ZFHX3: variants seen among roughly 807,000 people sequenced by gnomAD.
ZFHX3 encodes zinc finger homeobox 3, also known as zinc finger homeobox protein 3.
In ZFHX3, 42 loss-of-function variants were observed where a neutral mutation model predicts 279.1. The observed-to-expected ratio is 0.15, with a 90% confidence interval of 0.12 to 0.19. The LOEUF (loss-of-function observed/expected upper bound fraction) is 0.19. ZFHX3 is among the 10% of genes least tolerant of loss of function. ZFHX3 has a pLI of 1.00. For synonymous variants in ZFHX3, 2,293 were observed against 1,957.8 expected (o/e 1.17, Z -4.52); for missense variants, 4,981 against 4,754.0 (o/e 1.05, Z -1.40).
chr16:73,051,646 C>T (rs530112101), upstream of ZFHX3, among the ~76,000 whole-genome samples: 1 of 152,278 alleles, frequency 6.6e-6, no homozygotes, highest in South Asian at 2.1e-4. Flanking sequence ...TCAATGATAT[C>T]CCACAACAAA....
At chr16:72,914,109 A>G (rs1396262883) in intron 3 of ZFHX3, among the ~76,000 whole-genome samples, 1 of 152,236 alleles carries the variant, frequency 6.6e-6, no homozygotes, top group Non-Finnish European at 1.5e-5. Context: ...CATGCTGTCT[A>G]GAGACCTCTC....
At chr16:73,687,446 T>C (rs2053100915) in intron 1 of ZFHX3, among the ~76,000 whole-genome samples, 1 of 151,972 alleles carries the variant, frequency 6.6e-6, no homozygotes. Flanking sequence ...CCTGTGTTGT[T>C]ACATGTGGAG....
chr16:73,054,801 CAA>C (rs1965515891), intron 1 of ZFHX3, among the ~76,000 whole-genome samples: 1 of 152,004 alleles, frequency 6.6e-6, no homozygotes, highest in African/African-American at 2.4e-5. Context: ...TGTAATACCC[CAA>C]GACTGTAAAT....
chr16:73,874,974 A>G (rs934514907), intron 1 of ZFHX3, among the ~76,000 whole-genome samples: 3 of 152,244 alleles, frequency 2.0e-5, no homozygotes, highest in African/African-American at 7.2e-5. Flanking sequence ...GCAGTTGTAT[A>G]TTCACTACAT....
intron 8 of ZFHX3, among the ~76,000 whole-genome samples, chr16:73,083,631 G>A (rs1221462945): frequency 1.3e-5 from 2 of 152,156 alleles, no homozygotes; most frequent in African/African-American, 4.8e-5. Context: ...TCGGGCTCAA[G>A]CCATCCTCTC....
intron 5 of ZFHX3, among the ~76,000 whole-genome samples, chr16:73,224,977 C>T (rs2012547560): frequency 1.3e-5 from 2 of 152,138 alleles, no homozygotes; most frequent in Admixed American, 1.3e-4. Flanking sequence ...TGCCCTATTT[C>T]TGTGTCACCT....
At chr16:73,807,778 C>A (rs763250578) in intron 1 of ZFHX3, among the ~76,000 whole-genome samples, 5 of 151,716 alleles carry the variant, frequency 3.3e-5, no homozygotes, top group Non-Finnish European at 5.9e-5. Context: ...GCCAAAGTAT[C>A]AGTTTTCTAA....
chr16:72,912,195 G>A (rs1031385931), intron 3 of ZFHX3, among the ~76,000 whole-genome samples: 3 of 152,200 alleles, frequency 2.0e-5, no homozygotes, highest in Admixed American at 6.5e-5. Context: ...CAGGCTCCGC[G>A]CGGGGAGGTG....
chr16:73,297,920 G>A (rs2014954957), intron 4 of ZFHX3, among the ~76,000 whole-genome samples: 1 of 151,834 alleles, frequency 6.6e-6, no homozygotes, highest in African/African-American at 2.4e-5. Flanking sequence ...CTTGGTGACT[G>A]ACACCTATAA....
At position 72,811,596 on chromosome 16, in the gene ZFHX3, A is replaced by G. The variant is rs372116748; in HGVS notation, c.3845T>C (p.Val1282Ala). The change falls in exon 7 of 10, where the codon GTG (valine) becomes GCG (alanine). Residue 1282 changes from valine (V) to alanine (A), a missense_variant. Coordinates refer to ENST00000268489, the MANE Select transcript of ZFHX3 (RefSeq NM_006885.4). ...THLHSVAPDC[V>A]EKLIMTVTTP... The stretch of plus-strand genomic sequence containing the variant: ...CCTTACCGTCATAATGAGCTTCTCC[A>G]CGCAGTCAGGTGCCACGCTGTGGAG... The G allele has an allele frequency of 1.2e-6, 2 of 1,601,100 alleles. No individual in the cohort carries two copies. Among genetic ancestry groups the G allele is most frequent in the Non-Finnish European group, 1.7e-6 (2 of 1,171,868 alleles).
intron 1 of ZFHX3, among the ~76,000 whole-genome samples, chr16:73,021,413 C>G (rs112682530): frequency 4.6e-5 from 7 of 152,144 alleles, no homozygotes; most frequent in Non-Finnish European, 8.8e-5. Flanking sequence ...TGGAGCAGAT[C>G]GAATAGCATC....
chr16:73,676,663 G>A (rs1162525003), intron 2 of ZFHX3, among the ~76,000 whole-genome samples: 2 of 151,888 alleles, frequency 1.3e-5, no homozygotes, highest in African/African-American at 2.4e-5. Flanking sequence ...TTCCCTGTGA[G>A]AAGACAAAGA....
chr16:73,738,920 T>G (rs1167206853), intron 1 of ZFHX3, among the ~76,000 whole-genome samples: 2 of 152,194 alleles, frequency 1.3e-5, no homozygotes, highest in Admixed American at 6.5e-5. Context: ...TCTGATGTAC[T>G]TCCAGAAGCT....
At chr16:73,495,712 C>G (rs1158770978) in intron 2 of ZFHX3, among the ~76,000 whole-genome samples, 1 of 152,248 alleles carries the variant, frequency 6.6e-6, no homozygotes, top group East Asian at 1.9e-4. Context: ...ACCTCTGACC[C>G]AGAAACAAAT....
chr16:73,882,251 G>C (rs904035776), intron 1 of ZFHX3, among the ~76,000 whole-genome samples: 4 of 152,012 alleles, frequency 2.6e-5, no homozygotes, highest in African/African-American at 9.6e-5. Flanking sequence ...CAGAAATCCC[G>C]ACTGAGGTTT....
chr16:72,950,771 A>T lies in ZFHX3; in HGVS notation c.2914T>A (p.Ser972Thr). 6.2e-7 allele frequency: 1 copy of T among 1,614,184 alleles called. No homozygotes were observed. The highest frequency in any genetic ancestry group is 8.5e-7 in the Non-Finnish European group (1 of 1,180,036). The change falls in exon 3 of 10, where the codon TCG becomes ACG. Residue 972 changes from serine (S) to threonine (T), a missense_variant. By Grantham distance (58) the Ser-to-Thr change is moderately conservative. Around this residue, in one of 7 missense-constraint regions of ZFHX3, gnomAD observed 1,751 missense variants for 1,770.0 expected, o/e 0.99. Transcript: ENST00000268489. Reference protein sequence around the residue: ...GLHMNVERSLSEDEWKAVMGD... With the variant: ...GLHMNVERSLTEDEWKAVMGD... ...ATCACCGCCTTCCACTCGTCCTCCG[A>T]CAGGCTGCGCTCCACGTTCATGTGC...
chr16:72,894,051 A>C (rs918909304), intron 3 of ZFHX3, among the ~76,000 whole-genome samples: 1 of 151,650 alleles, frequency 6.6e-6, no homozygotes, highest in African/African-American at 2.4e-5. Context: ...TGGGAGGCTG[A>C]GGCAGGAAAA....
rs1484340364 is a variant in ZFHX3 at position 73,492,355 on chromosome 16, T to G, written c.-1546-36097A>C. On this transcript the variant is annotated intron_variant, in intron 2 of 17. Coordinates refer to the ZFHX3 transcript ENST00000641206. ...CTCTGATATCCCTCTCTGTCTCCTT[T>G]GTTTCCTCTTGTATGGCTGTGTTGA... 2.6e-5 allele frequency among the ~76,000 whole-genome samples: 4 copies of G among 152,184 alleles called. No individual in the cohort carries two copies. In the East Asian group the frequency reaches 7.7e-4, roughly 29 times the overall value.
intron 1 of ZFHX3, among the ~76,000 whole-genome samples, chr16:73,682,416 C>T (rs369449083): frequency 6.6e-6 from 1 of 152,180 alleles, no homozygotes; most frequent in East Asian, 1.9e-4. Flanking sequence ...GAAGAAAATT[C>T]AAATCCACGT....
Sources: allele counts gnomAD v4.1 joint callset (sites outside exome capture counted in the v4.1 genomes callset), GRCh38; gene constraint gnomAD v4.1.1; regional missense constraint gnomAD v4.1.1; transcripts MANE v1.5; gene names NCBI Gene and HGNC (gene_info 2026-07-23, HGNC 2026-07-21).